Variants in CTTNBP2NL observed in about 807,000 individuals in gnomAD.
CTTNBP2NL encodes the protein CTTNBP2 N-terminal like, also known as CTTNBP2 N-terminal-like protein.
A neutral mutation model predicts 32.5 loss-of-function variants in CTTNBP2NL; 16 were observed. That is an observed-to-expected ratio of 0.49 (90% CI 0.33 to 0.75). The LOEUF is 0.75. Among genes scored for constraint, CTTNBP2NL ranks in the 30% least tolerant of loss-of-function variants. The pLI, the probability that CTTNBP2NL is intolerant of heterozygous loss-of-function variation, is 0.02. For synonymous variants in CTTNBP2NL, 298 were observed against 289.4 expected (o/e 1.03, Z -0.30); for missense variants, 645 against 756.0 (o/e 0.85, Z 1.72).
intron 3 of CTTNBP2NL, among the ~76,000 whole-genome samples, chr1:112,421,598 G>A (rs1649233029): frequency 6.9e-6 from 1 of 145,706 alleles, no homozygotes; most frequent in Non-Finnish European, 1.5e-5. Context: ...ACTGTGCCCG[G>A]CAAGACCCCC....
intron 3 of CTTNBP2NL, among the ~76,000 whole-genome samples, chr1:112,443,309 G>C (rs1649948341): frequency 6.6e-6 from 1 of 152,136 alleles, no homozygotes; most frequent in Non-Finnish European, 1.5e-5. Context: ...TCCCTCCCAG[G>C]TTCAAGTGAT....
chr1:112,442,252 A>C (rs1359117890), intron 3 of CTTNBP2NL, among the ~76,000 whole-genome samples: 1 of 152,050 alleles, frequency 6.6e-6, no homozygotes, highest in Non-Finnish European at 1.5e-5. Context: ...CAGCCTCCCA[A>C]GTGGGGACTA....
intron 3 of CTTNBP2NL, among the ~76,000 whole-genome samples, chr1:112,437,229 C>T (rs914682377): frequency 6.6e-6 from 1 of 152,138 alleles, no homozygotes; most frequent in East Asian, 1.9e-4. Flanking sequence ...ATGGTTGAAC[C>T]AGTTTACACT....
intron 2 of CTTNBP2NL, among the ~76,000 whole-genome samples, chr1:112,415,282 T>C (rs992869327): frequency 6.6e-6 from 1 of 152,206 alleles, no homozygotes; most frequent in Non-Finnish European, 1.5e-5. Context: ...TCTATTTTAC[T>C]ATACAAGATA....
chr1:112,415,791 G>C (rs1240248661), intron 2 of CTTNBP2NL: 1 of 226,914 alleles, frequency 4.4e-6, no homozygotes, highest in African/African-American at 2.4e-5. Context: ...TCCTGACTTC[G>C]TGGTCCGCCC....
At chr1:112,427,600 G>A (rs1351156834) in intron 3 of CTTNBP2NL, among the ~76,000 whole-genome samples, 1 of 152,118 alleles carries the variant, frequency 6.6e-6, no homozygotes, top group African/African-American at 2.4e-5. Flanking sequence ...TAAGTCTTCA[G>A]AAAAAGTAAA....
chr1:112,392,605 T>A (rs1013303246), upstream of CTTNBP2NL, among the ~76,000 whole-genome samples: 2 of 152,106 alleles, frequency 1.3e-5, no homozygotes, highest in Admixed American at 1.3e-4. Context: ...TGAGTTCAGA[T>A]GAGGTCATGG....
At chr1:112,455,630 CT>C (rs1332991254) in intron 5 of CTTNBP2NL, among the ~76,000 whole-genome samples, 1 of 152,230 alleles carries the variant, frequency 6.6e-6, no homozygotes, top group Non-Finnish European at 1.5e-5. Context: ...GTTGATACAG[CT>C]TTCTGTTATC....
At chr1:112,420,924 G>A (rs1649210525) in intron 3 of CTTNBP2NL, among the ~76,000 whole-genome samples, 1 of 152,186 alleles carries the variant, frequency 6.6e-6, no homozygotes, top group Admixed American at 6.5e-5. Flanking sequence ...ACAGACTTTA[G>A]GGTTTGAGCT....
chr1:112,392,738 T>TG (rs1244942895), upstream of CTTNBP2NL, among the ~76,000 whole-genome samples: 1 of 152,056 alleles, frequency 6.6e-6, no homozygotes, highest in Non-Finnish European at 1.5e-5. Context: ...ATTGGGATGA[T>TG]GTAGTTACAC....
rs750605727 is a variant in CTTNBP2NL at position 112,456,757 on chromosome 1, C to T, written c.1265C>T (p.Ser422Phe). 1 of 1,614,136 alleles carries T rather than the reference C, an allele frequency of 6.2e-7. No homozygotes were observed. The highest frequency in any genetic ancestry group is 1.1e-5 in the South Asian group (1 of 91,080). ...TCTCCCAGCAGCACTGCCTCCTCCT[C>T]TCTAACATCCTCTCCTTGCTCTTCG... ...SLSPSSTASS[S>F]LTSSPCSSPV... is the part of the protein sequence containing the mutation. Residue 422 changes from serine (S) to phenylalanine (F), a missense_variant, in exon 6 of 6, where the codon TCT (serine) becomes TTT (phenylalanine). Physicochemically the swap from Ser to Phe is radical, Grantham distance 155. Transcript: ENST00000271277.
rs1202119792 is a variant in CTTNBP2NL, at chr1:112,459,539, C to A, written c.*2127C>A. 6.6e-6 allele frequency: 1 copy of A among 152,134 alleles called. No individual in the cohort carries two copies. The highest frequency in any genetic ancestry group is 2.4e-5 in the African/African-American group (1 of 41,424). The allele number at this position is 152,134 out of a possible 1,614,324, so 9.4% of individuals were successfully genotyped here. On this transcript the variant is annotated 3_prime_UTR_variant, in exon 6 of 6. Coordinates refer to ENST00000271277, the MANE Select transcript of CTTNBP2NL (RefSeq NM_018704.3). The stretch of plus-strand genomic sequence containing the variant: ...ATGGAGTATATTGGCAACTCCACAG[C>A]TTATAGTTTGATAAAGGCAAATACA...
At chr1:112,419,704 A>G (rs1649166382) in intron 3 of CTTNBP2NL, among the ~76,000 whole-genome samples, 1 of 152,224 alleles carries the variant, frequency 6.6e-6, no homozygotes, top group East Asian at 1.9e-4. Context: ...ATCACCATAC[A>G]TACTAATAAG....
intron 3 of CTTNBP2NL, among the ~76,000 whole-genome samples, chr1:112,426,795 A>C (rs1649417861): frequency 6.6e-6 from 1 of 151,874 alleles, no homozygotes; most frequent in African/African-American, 2.4e-5. Flanking sequence ...TACTATAGAC[A>C]AGGTTTCACC....
At chr1:112,428,508 A>C (rs1266582628) in intron 3 of CTTNBP2NL, among the ~76,000 whole-genome samples, 28 of 152,304 alleles carry the variant, frequency 1.8e-4, no homozygotes, top group Non-Finnish European at 4.4e-5. Flanking sequence ...AACCAACCTA[A>C]ATTTCCAGAC....
chr1:112,429,260 A>C (rs1438822151), intron 3 of CTTNBP2NL, among the ~76,000 whole-genome samples: 1 of 152,248 alleles, frequency 6.6e-6, no homozygotes. Flanking sequence ...GTGTTTCATT[A>C]AAAACTGTAC....
At chr1:112,392,724 AG>A (rs572575198), upstream of CTTNBP2NL, among the ~76,000 whole-genome samples, 17 of 152,186 alleles carry the variant, frequency 1.1e-4, no homozygotes, top group Non-Finnish European at 2.1e-4. Context: ...AGACGGAGGC[AG>A]GTATTGGGAT....
At chr1:112,417,940 A>C (rs1649113470) in intron 3 of CTTNBP2NL, among the ~76,000 whole-genome samples, 1 of 152,220 alleles carries the variant, frequency 6.6e-6, no homozygotes, top group South Asian at 2.1e-4. Flanking sequence ...GACTTTATGA[A>C]CTACTATGGC....
At chr1:112,404,831 C>G (rs1189152866) in intron 1 of CTTNBP2NL, among the ~76,000 whole-genome samples, 1 of 152,156 alleles carries the variant, frequency 6.6e-6, no homozygotes, top group African/African-American at 2.4e-5. Flanking sequence ...GTGGGCGGGT[C>G]ACTTGAGGTC....
Sources: allele counts gnomAD v4.1 joint callset (sites outside exome capture counted in the v4.1 genomes callset), GRCh38; gene constraint gnomAD v4.1.1; transcripts MANE v1.5; gene names NCBI Gene and HGNC (gene_info 2026-07-23, HGNC 2026-07-21).